Variants in DYNC2H1 observed in about 807,000 individuals in gnomAD.
The protein encoded by DYNC2H1 is dynein cytoplasmic 2 heavy chain 1.
DYNC2H1 carries 410 observed loss-of-function variants against 570.0 expected under a neutral mutation model. The observed-to-expected ratio is 0.72, with a 90% CI of 0.66 to 0.78. The LOEUF (loss-of-function observed/expected upper bound fraction) is 0.78. Ranked by LOEUF, DYNC2H1 falls within the 30% of genes least tolerant of loss-of-function variation. DYNC2H1 has a pLI of 0.00. For missense variants in DYNC2H1, 4,865 were observed against 5,046.4 expected (o/e 0.96, Z 1.09); for synonymous variants, 1,688 against 1,677.6 (o/e 1.01, Z -0.15).
At chr11:103,116,852 A>C in intron 5 of DYNC2H1, 138 bp downstream of exon 5, 1 of 702,824 alleles carries the variant, frequency 1.4e-6, no homozygotes, top group Non-Finnish European at 2.1e-6. Flanking sequence ...GCATTATTTA[A>C]ATAGATATTT....
intron 6 of DYNC2H1, among the ~76,000 whole-genome samples, chr11:103,118,553 A>G (rs1241389128): frequency 2.6e-5 from 4 of 152,022 alleles, no homozygotes; most frequent in Non-Finnish European, 5.9e-5. Flanking sequence ...AAGCAGAGAT[A>G]TTGTATACTT....
intron 88 of DYNC2H1, among the ~76,000 whole-genome samples, chr11:103,469,597 C>T (rs11225817): frequency 6.6e-6 from 1 of 151,866 alleles, no homozygotes; most frequent in African/African-American, 2.4e-5. Flanking sequence ...AAAGCGATAG[C>T]AGTTAGCAAC....
intron 74 of DYNC2H1, among the ~76,000 whole-genome samples, chr11:103,286,858 A>G (rs577205670): frequency 3.7e-4 from 57 of 152,306 alleles, no homozygotes; most frequent in African/African-American, 1.3e-3. Flanking sequence ...GCTCCAGAAA[A>G]TGACCTTTCC....
chr11:103,358,901 T>C (rs1312466628), intron 83 of DYNC2H1, among the ~76,000 whole-genome samples: 1 of 152,226 alleles, frequency 6.6e-6, no homozygotes, highest in Non-Finnish European at 1.5e-5. Context: ...TGGAATAATT[T>C]GCATAATTGA....
chr11:103,171,415 C>T (rs2134969136), intron 34 of DYNC2H1, among the ~76,000 whole-genome samples: 1 of 152,002 alleles, frequency 6.6e-6, no homozygotes, highest in Non-Finnish European at 1.5e-5. Flanking sequence ...GCCACCACGC[C>T]CAGCTAATTT....
chr11:103,396,531 T>A (rs140719853), intron 83 of DYNC2H1, among the ~76,000 whole-genome samples: 1,963 of 152,290 alleles, frequency 0.013, 45 homozygotes, highest in African/African-American at 0.045. Flanking sequence ...CAAAAATTCT[T>A]TCTGAGGGAG....
rs567940445 is a variant in DYNC2H1 at position 103,453,498 on chromosome 11, T to G, written c.12457-1688T>G. Among the ~76,000 whole-genome samples, 19 of 151,866 alleles carry G rather than the reference T, an allele frequency of 1.3e-4. No homozygotes were observed. The South Asian group carries it at 3.7e-3, about 30-fold the overall frequency. On this transcript the variant is annotated intron_variant, in intron 85 of 88. Transcript: ENST00000375735. ...TTAGTCTACCTTTAAGCTTAATAGC[T>G]TAACAAGTTATTTTTTCCATAGATT... is the stretch of plus-strand genomic sequence containing the variant.
At chr11:103,430,671 A>G (rs1943854241) in intron 84 of DYNC2H1, among the ~76,000 whole-genome samples, 2 of 152,120 alleles carry the variant, frequency 1.3e-5, no homozygotes, top group Non-Finnish European at 2.9e-5. Flanking sequence ...TTATGATGTC[A>G]TCCTTAAGTC....
In DYNC2H1 at chr11:103,369,354, G is replaced by C. The variant is rs1037518746; in HGVS notation, c.12156+10995G>C. ...CCAAAGCAGGCGGAAGTACTCTGGG[G>C]CTCTAAATAATCTTGAAAAGCAGTC... is the stretch of plus-strand genomic sequence containing the variant. On this transcript the variant is annotated intron_variant, in intron 83 of 88. Transcript: ENST00000375735. This position sits in a 1 kb window ranked among gnomAD's most constrained non-coding sequence, Gnocchi z 4.0. 2.0e-5 allele frequency among the ~76,000 whole-genome samples: 3 copies of C among 152,158 alleles called. No individual in the cohort carries two copies. The highest frequency in any genetic ancestry group is 7.2e-5 in the African/African-American group (3 of 41,428).
intron 11 of DYNC2H1, among the ~76,000 whole-genome samples, chr11:103,123,734 CA>C (rs1219182825): frequency 6.6e-6 from 1 of 152,038 alleles, no homozygotes; most frequent in Non-Finnish European, 1.5e-5. Context: ...GGTAGCATAC[CA>C]ACGGTCTGAG....
chr11:103,276,752 C>G (rs1865923557), intron 70 of DYNC2H1, among the ~76,000 whole-genome samples: 1 of 151,934 alleles, frequency 6.6e-6, no homozygotes, highest in South Asian at 2.1e-4. Flanking sequence ...TTATGATAGA[C>G]TTTTGGATAT....
At chr11:103,452,919 A>C (rs1164344885) in intron 85 of DYNC2H1, among the ~76,000 whole-genome samples, 1 of 152,076 alleles carries the variant, frequency 6.6e-6, no homozygotes, top group Non-Finnish European at 1.5e-5. Context: ...ACTTTTGAAA[A>C]TCATTTATGT....
Position 103,113,788 on chromosome 11 carries a change from CTGTTAA to C in DYNC2H1, c.366+87_366+92del, listed in dbSNP as rs762193731. 1.6e-4 allele frequency: 174 copies of C among 1,107,494 alleles called. 1 individual carries two copies. The Middle Eastern group carries it at 2.5e-3, about 16-fold the overall frequency. The allele number at this position is 1,107,494 out of a possible 1,614,324, so 68.6% of individuals were successfully genotyped here. On this transcript the variant is annotated intron_variant, in intron 2 of 88. Coordinates refer to ENST00000375735, the MANE Select transcript of DYNC2H1 (RefSeq NM_001377.3). ...TATAAACATAAATATCTATTTTTTA[CTGTTAA>C]TGTTAGTAGTGTTTTAATTTTAATT...
At position 103,215,793 on chromosome 11, in the gene DYNC2H1, G is replaced by A. The variant is rs200377414; in HGVS notation, c.8767G>A (p.Val2923Met). 24 of 1,612,308 alleles carry A rather than the reference G, an allele frequency of 1.5e-5. No homozygotes were observed. Among genetic ancestry groups the A allele is most frequent in the South Asian group, 2.2e-5 (2 of 90,812 alleles). Residue 2923 changes from valine to methionine, a missense_variant, in exon 55 of 89, where the codon GTG becomes ATG. This residue lies in a region of DYNC2H1 where 2,401 missense variants were observed against 2,454.6 expected (regional missense o/e 0.98). Transcript: ENST00000375735. The stretch of plus-strand genomic sequence containing the variant: ...GAACAGAAAAGCTGGAGAACAAAGT[G>A]TGTTACTTAAAACGAAGCAAGATGA... Reference protein sequence around the residue: ...ELNRKAGEQSVLLKTKQDEAD... With the variant: ...ELNRKAGEQSMLLKTKQDEAD...
At chr11:103,213,793 T>C (rs1863259265) in intron 54 of DYNC2H1, among the ~76,000 whole-genome samples, 1 of 152,200 alleles carries the variant, frequency 6.6e-6, no homozygotes, top group Admixed American at 6.5e-5. Context: ...ATTCACTCTG[T>C]TAATTGTTTC....
At chr11:103,215,585 A>T (rs1434309204) in intron 54 of DYNC2H1, 136 bp from the exon 55 acceptor site, 3 of 760,740 alleles carry the variant, frequency 3.9e-6, no homozygotes, top group African/African-American at 3.6e-5. Context: ...AATAAGAAAA[A>T]ACCTAAGTCT....
rs2135879836 is a variant in DYNC2H1, at chr11:103,479,235, A to G, written c.12906A>G (p.Leu4302=). The G allele has an allele frequency of 3.7e-6, 6 of 1,611,822 alleles. No homozygotes were observed. Among genetic ancestry groups the G allele is most frequent in the South Asian group, 1.1e-5 (1 of 90,518 alleles). Residue 4302 remains leucine (L), a synonymous_variant, in exon 89 of 89, where the codon CTA becomes CTG. Transcript: ENST00000375735. ...AGTGGATTCAGTGTGGAGCAGCTCT[A>G]TTCCTAAAAAATCAGTAGAATCTAA... is the stretch of plus-strand genomic sequence containing the variant. ...QDQWIQCGAA[L]FLKNQ
intron 4 of DYNC2H1, among the ~76,000 whole-genome samples, chr11:103,115,509 A>G (rs1858340743): frequency 6.6e-6 from 1 of 152,210 alleles, no homozygotes; most frequent in Non-Finnish European, 1.5e-5. Context: ...CTCAAAAACA[A>G]AATTACGCCT....
intron 84 of DYNC2H1, among the ~76,000 whole-genome samples, chr11:103,408,875 G>T (rs192682438): frequency 2.6e-5 from 4 of 151,990 alleles, no homozygotes; most frequent in Non-Finnish European, 4.4e-5. Flanking sequence ...TAATGCAATG[G>T]TAATGGGTTA....
Sources: allele counts gnomAD v4.1 joint callset (sites outside exome capture counted in the v4.1 genomes callset), GRCh38; gene constraint gnomAD v4.1.1; regional missense constraint gnomAD v4.1.1; non-coding constraint Gnocchi (gnomAD v3.1); transcripts MANE v1.5; gene names NCBI Gene and HGNC (gene_info 2026-07-23, HGNC 2026-07-21).